Variants in RAB11FIP3 observed in about 807,000 individuals in gnomAD.
The protein encoded by RAB11FIP3 is rab11 family-interacting protein 3.
Under a neutral mutation model 77.8 loss-of-function variants are expected in RAB11FIP3, and 17 were observed. The ratio of observed to expected loss-of-function variants is 0.22; its 90% CI spans 0.15 to 0.33. The LOEUF (loss-of-function observed/expected upper bound fraction) is 0.33, where lower values mean the gene tolerates loss of function less well. Ranked by LOEUF, RAB11FIP3 falls within the 10% of genes least tolerant of loss-of-function variation. RAB11FIP3 has a pLI of 1.00. For synonymous variants in RAB11FIP3, 437 were observed against 448.2 expected, an observed-to-expected ratio of 0.98 and a Z score of 0.31; for missense variants, 1,005 against 1,011.2, an observed-to-expected ratio of 0.99 and a Z score of 0.08.
At chr16:441,121 T>G (rs1233211769) in intron 1 of RAB11FIP3, among the ~76,000 whole-genome samples, 1 of 152,140 alleles carries the variant, frequency 6.6e-6, no homozygotes, top group African/African-American at 2.4e-5. Flanking sequence ...TTTTGTATTT[T>G]TATTAGAGAC....
intron 5 of RAB11FIP3, among the ~76,000 whole-genome samples, chr16:492,097 C>T (rs2030262738): frequency 6.6e-6 from 1 of 152,244 alleles, no homozygotes; most frequent in South Asian, 2.1e-4. Flanking sequence ...GTCCCTGCCC[C>T]AGGGGGCTTC....
At chr16:516,605 G>C (rs533199760) in intron 9 of RAB11FIP3, among the ~76,000 whole-genome samples, 6 of 152,324 alleles carry the variant, frequency 3.9e-5, no homozygotes, top group Admixed American at 2.6e-4. Flanking sequence ...GGCCGGGCGC[G>C]GTGGCTCACG....
At chr16:435,599 T>C (rs954291309) in intron 1 of RAB11FIP3, among the ~76,000 whole-genome samples, 4 of 152,200 alleles carry the variant, frequency 2.6e-5, no homozygotes, top group East Asian at 3.8e-4. Flanking sequence ...TTGGGAGATA[T>C]GAGTGTGTAG....
intron 1 of RAB11FIP3, among the ~76,000 whole-genome samples, chr16:448,603 G>A (rs1324914204): frequency 2.6e-5 from 4 of 152,012 alleles, no homozygotes; most frequent in Non-Finnish European, 5.9e-5. Flanking sequence ...GGGCATGGTG[G>A]CGGGCGCCTG....
At position 471,530 on chromosome 16, in the gene RAB11FIP3, G is replaced by T. The variant is rs767390531; in HGVS notation, c.903+141G>T. 1 of 704,062 alleles carries T rather than the reference G, an allele frequency of 1.4e-6. No homozygotes were observed. The highest frequency in any genetic ancestry group is 1.8e-5 in the African/African-American group (1 of 56,824). 43.6% of individuals were successfully genotyped at this position (704,062 alleles called of 1,614,324 possible). A position where few individuals can be genotyped will look rare whatever the true frequency, so the allele number is the denominator to read the frequency against. ...AAGGGCCTCCCGCCCTGTGTGCACC[G>T]TGGGGCTCTGTGGCTGTGACGGGAG... On this transcript the variant is annotated intron_variant, in intron 3 of 13. Coordinates refer to ENST00000262305, the MANE Select transcript of RAB11FIP3 (RefSeq NM_014700.4). The surrounding 1 kb of genome is among the most constrained non-coding windows in gnomAD (Gnocchi z 4.4).
chr16:426,789 GA>G lies in RAB11FIP3; in HGVS notation c.714+70del. On this transcript the variant is annotated intron_variant, in intron 1 of 13. Transcript: ENST00000262305. This position sits in a 1 kb window ranked among gnomAD's most constrained non-coding sequence, Gnocchi z 5.0. ...GCGCTGGCCGGCGGGGTTGATGTGG[GA>G]CCGGTCGACGCTGCCCCTGGAGTCG... 1 of 1,293,926 alleles carries G rather than the reference GA, an allele frequency of 7.7e-7. No homozygotes were observed. Among genetic ancestry groups the G allele is most frequent in the Non-Finnish European group, 1.0e-6 (1 of 963,990 alleles). The allele number at this position is 1,293,926 out of a possible 1,614,324, so 80.2% of individuals were successfully genotyped here. A position where few individuals can be genotyped will look rare whatever the true frequency, so the allele number is the denominator to read the frequency against.
chr16:435,204 C>CAAAAAAAAAAAAAAA (rs371438435), intron 1 of RAB11FIP3, among the ~76,000 whole-genome samples: 37 of 83,154 alleles, frequency 4.4e-4, no homozygotes, highest in African/African-American at 1.6e-3. Flanking sequence ...GACTCCGTCT[C>CAAAAAAAAAAAAAAA]AAAAAAAAAA....
intron 1 of RAB11FIP3, among the ~76,000 whole-genome samples, chr16:432,679 A>C (rs1596181783): frequency 6.8e-6 from 1 of 146,146 alleles, no homozygotes; most frequent in Non-Finnish European, 1.5e-5. Flanking sequence ...GGCTCAGTGC[A>C]GTCTCTGCCT....
rs1055752500 is a variant in RAB11FIP3, at chr16:507,767, C to T, written c.1499+2140C>T. Among the ~76,000 whole-genome samples the T allele has an allele frequency of 6.6e-6, 1 of 152,106 alleles. No homozygotes were observed. The highest frequency in any genetic ancestry group is 1.5e-5 in the Non-Finnish European group (1 of 68,034). On this transcript the variant is annotated intron_variant, in intron 8 of 13. Transcript: ENST00000262305. This position sits in a 1 kb window ranked among gnomAD's most constrained non-coding sequence, Gnocchi z 4.6. ...TTTCCCGTTTTCAGTATCATCTGCC[C>T]GTTCTGAGCCATTTGCTCTCTAGCC... is the stretch of plus-strand genomic sequence containing the variant.
rs899470760 is a variant in RAB11FIP3 at position 520,171 on chromosome 16, T to G, written c.1910T>G (p.Leu637Arg). 6.5e-7 allele frequency: 1 copy of G among 1,547,180 alleles called. No homozygotes were observed. Residue 637 changes from leucine to arginine, a missense_variant, in exon 12 of 14, where the codon CTG becomes CGG. Physicochemically the swap from Leu to Arg is moderately radical, Grantham distance 102. Transcript: ENST00000262305. ...KQLEHLQLLK[L>R]EAEQRRGRSS... is the part of the protein sequence containing the mutation. ...CTGGAGCACCTGCAGCTCCTCAAGC[T>G]GGAGGCCGAGCAGCGGCGGGGCCGC...
chr16:426,464 G>C lies in RAB11FIP3; in HGVS notation c.458G>C (p.Arg153Pro), dbSNP rs538838355. 2 of 1,582,398 alleles carry C rather than the reference G, an allele frequency of 1.3e-6. No individual in the cohort carries two copies. Among genetic ancestry groups the C allele is most frequent in the African/African-American group, 1.3e-5 (1 of 74,276 alleles). ...FRLQGSSSSH[R>P]ARGEVDVFSP... The stretch of plus-strand genomic sequence containing the variant: ...TTGCAGGGGTCCAGCAGCAGCCACC[G>C]AGCGCGGGGCGAGGTCGACGTCTTC... The change falls in exon 1 of 14, where the codon CGA becomes CCA. Residue 153 changes from arginine to proline, a missense_variant. By Grantham distance (103) the Arg-to-Pro change is moderately radical (BLOSUM62 -2). Transcript: ENST00000262305. This position sits in a 1 kb window ranked among gnomAD's most constrained non-coding sequence, Gnocchi z 5.0.
At position 478,467 on chromosome 16, in the gene RAB11FIP3, A is replaced by G. The variant is rs879668889; in HGVS notation, c.904-4058A>G. Among the ~76,000 whole-genome samples, 10 of 152,164 alleles carry G rather than the reference A, an allele frequency of 6.6e-5. No individual in the cohort carries two copies. The Middle Eastern group carries it at 0.01, about 155-fold the overall frequency. On this transcript the variant is annotated intron_variant, in intron 3 of 13. Transcript: ENST00000262305. ...CGGCCTTCCAAAGTGCTGGGATTAC[A>G]GGCATTAACCACGGCGCCCAGCCAC...
In RAB11FIP3 at chr16:426,199, G is replaced by C; in HGVS notation, c.193G>C (p.Asp65His). 9.8e-7 allele frequency: 1 copy of C among 1,018,476 alleles called. No homozygotes were observed. The highest frequency in any genetic ancestry group is 1.7e-5 in the African/African-American group (1 of 57,456). 63.1% of individuals were successfully genotyped at this position (1,018,476 alleles called of 1,614,324 possible). The change falls in exon 1 of 14, where the codon GAT becomes CAT. Residue 65 changes from aspartate to histidine, a missense_variant. Asp to His is a moderately conservative substitution (Grantham distance 81, BLOSUM62 -1). This residue lies in a region of RAB11FIP3 where 466 missense variants were observed against 408.3 expected (regional missense o/e 1.14). Coordinates refer to ENST00000262305, the MANE Select transcript of RAB11FIP3 (RefSeq NM_014700.4). The surrounding 1 kb of genome is among the most constrained non-coding windows in gnomAD (Gnocchi z 5.0). The stretch of plus-strand genomic sequence containing the variant: ...TGAGCCTGCGCCCGGGGCCGCTGCA[G>C]ATGGCGGGGCGCGTTGGAGCGCCGG... Reference protein sequence around the residue: ...LDEPAPGAAADGGARWSAGPA... With the variant: ...LDEPAPGAAAHGGARWSAGPA...
intron 5 of RAB11FIP3, among the ~76,000 whole-genome samples, chr16:489,315 G>A (rs536057246): frequency 1.3e-5 from 2 of 152,242 alleles, no homozygotes; most frequent in Non-Finnish European, 2.9e-5. Context: ...ATGGTGGTCT[G>A]TGCAGGCTTT....
intron 2 of RAB11FIP3, among the ~76,000 whole-genome samples, chr16:469,966 T>C (rs989885096): frequency 2.0e-5 from 3 of 152,268 alleles, no homozygotes; most frequent in Admixed American, 2.0e-4. Context: ...TGTCCCACAA[T>C]GTCCAGCTGA....
intron 1 of RAB11FIP3, among the ~76,000 whole-genome samples, chr16:458,184 G>A (rs996901816): frequency 2.0e-5 from 3 of 152,374 alleles, no homozygotes; most frequent in South Asian, 2.1e-4. Context: ...AGCCACGGGG[G>A]CCCGGGCCTT....
chr16:477,543 T>C (rs904557400), intron 3 of RAB11FIP3: 127 of 828,664 alleles, frequency 1.5e-4, no homozygotes, highest in Non-Finnish European at 1.8e-4. Context: ...CCTGCTTTCC[T>C]GGCCACTCCC....
intron 10 of RAB11FIP3, 146 bp from the exon 11 acceptor site, chr16:519,608 C>G: frequency 2.8e-6 from 3 of 1,083,788 alleles, no homozygotes; most frequent in Non-Finnish European, 4.0e-6. Flanking sequence ...CAGGAAGGCT[C>G]AGACCCAGCC....
intron 1 of RAB11FIP3, among the ~76,000 whole-genome samples, chr16:456,554 A>G (rs1352187062): frequency 2.0e-5 from 3 of 152,096 alleles, no homozygotes; most frequent in Non-Finnish European, 1.5e-5. Flanking sequence ...TCAGGAGTTC[A>G]AGACCAGCCT....
Sources: allele counts gnomAD v4.1 joint callset (sites outside exome capture counted in the v4.1 genomes callset), GRCh38; gene constraint gnomAD v4.1.1; regional missense constraint gnomAD v4.1.1; non-coding constraint Gnocchi (gnomAD v3.1); transcripts MANE v1.5; gene names NCBI Gene and HGNC (gene_info 2026-07-23, HGNC 2026-07-21).